Variants in ZNF385B observed in about 807,000 individuals in gnomAD.
ZNF385B encodes the protein zinc finger protein 385B, also known as zinc finger protein 533.
ZNF385B carries 23 observed loss-of-function variants against 39.2 expected under a neutral mutation model. The observed-to-expected ratio is 0.59, with a 90% CI of 0.42 to 0.83. ZNF385B has a LOEUF of 0.83. Among genes scored for constraint, ZNF385B ranks in the 40% least tolerant of loss-of-function variants. The pLI is 0.00. For missense variants in ZNF385B, 552 were observed against 598.9 expected (o/e 0.92, Z 0.82); for synonymous variants, 205 against 222.6 (o/e 0.92, Z 0.70).
At chr2:179,806,364 C>T (rs964780068) in intron 1 of ZNF385B, among the ~76,000 whole-genome samples, 1 of 152,124 alleles carries the variant, frequency 6.6e-6, no homozygotes, top group Non-Finnish European at 1.5e-5. Context: ...TTGTAATTGG[C>T]TCCTTGTCTT....
chr2:179,835,383 T>C (rs1034908250), intron 1 of ZNF385B, among the ~76,000 whole-genome samples: 3 of 152,178 alleles, frequency 2.0e-5, no homozygotes, highest in African/African-American at 7.2e-5. Flanking sequence ...CTTGAGGTAA[T>C]AGGACACTTT....
At chr2:179,666,553 T>G (rs1278175306) in intron 3 of ZNF385B, among the ~76,000 whole-genome samples, 1 of 152,212 alleles carries the variant, frequency 6.6e-6, no homozygotes, top group Non-Finnish European at 1.5e-5. Flanking sequence ...TGAATACATG[T>G]TATATAATCA....
chr2:179,657,696 T>C (rs1693953075), intron 3 of ZNF385B, among the ~76,000 whole-genome samples: 2 of 152,198 alleles, frequency 1.3e-5, no homozygotes, highest in African/African-American at 4.8e-5. Flanking sequence ...ATAGAAACAG[T>C]TGATAAATTA....
At chr2:179,656,253 T>C (rs1693749756) in intron 3 of ZNF385B, among the ~76,000 whole-genome samples, 1 of 152,092 alleles carries the variant, frequency 6.6e-6, no homozygotes. Context: ...AGTAGGCAAT[T>C]TGCAGAAAGT....
At chr2:179,555,506 A>T (rs1460394584) in intron 3 of ZNF385B, among the ~76,000 whole-genome samples, 2 of 149,796 alleles carry the variant, frequency 1.3e-5, no homozygotes, top group South Asian at 2.1e-4. Context: ...CAGAATTTTT[A>T]AAAAATGCAG....
At chr2:179,584,737 C>G (rs975552792) in intron 3 of ZNF385B, among the ~76,000 whole-genome samples, 1 of 152,096 alleles carries the variant, frequency 6.6e-6, no homozygotes, top group Non-Finnish European at 1.5e-5. Context: ...GAGGGACAAC[C>G]AGGTGTAGAT....
Position 179,446,583 on chromosome 2 carries a change from A to G in ZNF385B, c.903T>C (p.Tyr301=), listed in dbSNP as rs760140287. ...SEEEKAKKLL[Y]CSLCKVAVNS... is the part of the protein sequence containing the mutation. ...TCACAGCCACTTTGCATAGTGAACA[A>G]TAAAGTAATTTTTTGGCTTTTTCTT... The change falls in exon 7 of 10, where the codon TAT becomes TAC. Residue 301 remains tyrosine, a synonymous_variant. Coordinates refer to ENST00000410066, the MANE Select transcript of ZNF385B (RefSeq NM_152520.6). The G allele has an allele frequency of 1.2e-6, 2 of 1,614,164 alleles. No homozygotes were observed. Among genetic ancestry groups the G allele is most frequent in the Non-Finnish European group, 1.7e-6 (2 of 1,180,010 alleles).
intron 3 of ZNF385B, among the ~76,000 whole-genome samples, chr2:179,665,285 C>T (rs1426862077): frequency 1.3e-5 from 2 of 152,224 alleles, no homozygotes; most frequent in South Asian, 4.1e-4. Context: ...ATTCCCGCAA[C>T]TCCTCAGTGA....
At chr2:179,796,236 G>C (rs1346730058) in intron 1 of ZNF385B, 2 of 152,110 alleles carry the variant, frequency 1.3e-5, no homozygotes, top group Non-Finnish European at 2.9e-5. Flanking sequence ...AAAATGTTCT[G>C]ACAGTCCACA....
chr2:179,637,967 C>T (rs543730717), intron 3 of ZNF385B, among the ~76,000 whole-genome samples: 2 of 152,262 alleles, frequency 1.3e-5, no homozygotes, highest in East Asian at 3.9e-4. Context: ...ACTGGATTTT[C>T]GTATAGCTGG....
intron 1 of ZNF385B, among the ~76,000 whole-genome samples, chr2:179,814,061 C>A (rs866435101): frequency 6.6e-6 from 1 of 152,220 alleles, no homozygotes; most frequent in Non-Finnish European, 1.5e-5. Flanking sequence ...TGTTTAACAA[C>A]ATGTGGAAAG....
rs1454033265 is a variant in ZNF385B, at chr2:179,444,935, G to T, written c.1183C>A (p.Pro395Thr). The T allele has an allele frequency of 2.5e-6, 4 of 1,614,048 alleles. No homozygotes were observed. The highest frequency in any genetic ancestry group is 1.7e-5 in the Admixed American group (1 of 60,000). The part of the protein sequence containing the change: ...RRHKDRVAGK[P>T]LKPKYSPYNK... Reference sequence around the variant, plus strand: ...TAAGGGCTGTATTTTGGCTTCAGTGGTTTCCCTGCAACTCGATCTTTATGC... The same window carrying T: ...TAAGGGCTGTATTTTGGCTTCAGTGTTTTCCCTGCAACTCGATCTTTATGC... The change falls in exon 9 of 10, where the codon CCA (proline) becomes ACA (threonine). Residue 395 changes from proline (P) to threonine (T), a missense_variant. Transcript: ENST00000410066.
intron 3 of ZNF385B, among the ~76,000 whole-genome samples, chr2:179,717,003 C>T (rs904135255): frequency 6.6e-6 from 1 of 152,132 alleles, no homozygotes; most frequent in Non-Finnish European, 1.5e-5. Context: ...CTTGAATTAC[C>T]AACCCACAGA....
intron 5 of ZNF385B, among the ~76,000 whole-genome samples, chr2:179,491,944 T>C (rs1329598594): frequency 1.3e-5 from 2 of 152,166 alleles, no homozygotes; most frequent in African/African-American, 2.4e-5. Context: ...CGAGTGATCC[T>C]ACTGCCTTGC....
intron 1 of ZNF385B, among the ~76,000 whole-genome samples, chr2:179,848,857 G>A (rs113187995): frequency 3.3e-5 from 5 of 152,174 alleles, no homozygotes; most frequent in African/African-American, 7.2e-5. Flanking sequence ...CTTGGGTGTC[G>A]GTCTCTTTCA....
At chr2:179,605,594 G>A (rs563214090) in intron 3 of ZNF385B, among the ~76,000 whole-genome samples, 17 of 152,248 alleles carry the variant, frequency 1.1e-4, no homozygotes, top group Admixed American at 9.2e-4. Context: ...GCTATAATAT[G>A]TATGCAGTGG....
chr2:179,561,161 A>G (rs889396497), intron 3 of ZNF385B, among the ~76,000 whole-genome samples: 4 of 152,232 alleles, frequency 2.6e-5, no homozygotes, highest in African/African-American at 9.6e-5. Flanking sequence ...CACCACAATA[A>G]GTAGTTTTCT....
chr2:179,829,704 G>A (rs1041345405), intron 1 of ZNF385B, among the ~76,000 whole-genome samples: 6 of 152,168 alleles, frequency 3.9e-5, no homozygotes, highest in African/African-American at 7.2e-5. Flanking sequence ...TAGTAGAGAC[G>A]GGGTTTCACC....
intron 3 of ZNF385B, among the ~76,000 whole-genome samples, chr2:179,586,108 C>T (rs7578080): frequency 0.02 from 3,044 of 152,240 alleles, 99 homozygotes; most frequent in African/African-American, 0.067. Context: ...CTTCTATAGA[C>T]GGGTGCTCTT....
Sources: gnomAD v4.1 joint callset for allele counts (sites outside exome capture counted in the v4.1 genomes callset) on GRCh38, gnomAD v4.1.1 for gene constraint, MANE v1.5 for transcripts, NCBI Gene and HGNC (gene_info 2026-07-23, HGNC 2026-07-21) for gene names.